Variants in HMX2 observed in about 807,000 individuals in gnomAD.
HMX2 encodes the protein H6 family homeobox 2.
HMX2 carries 15 observed loss-of-function variants against 21.2 expected under a neutral mutation model. The observed-to-expected ratio is 0.71, with a 90% CI of 0.47 to 1.09. HMX2 has a LOEUF of 1.09. Among genes scored for constraint, HMX2 ranks in the 50% least tolerant of loss-of-function variants. The probability of loss-of-function intolerance (pLI) is 0.00; values close to 1 mark genes in which losing one functional copy is unlikely to be tolerated. For synonymous variants in HMX2, 193 were observed against 181.0 expected (o/e 1.07, Z -0.53); for missense variants, 440 against 381.5 (o/e 1.15, Z -1.28).
rs1297472953 is a variant in HMX2 at position 123,150,147 on chromosome 10, C to G, written c.*24C>G. ...GACCGGCCCGCCGCCCCGCGCCGCC[C>G]CCAGCTGCCCGCAGAGCCGGGCGCG... On this transcript the variant is annotated 3_prime_UTR_variant, in exon 2 of 2. Coordinates refer to ENST00000339992, the MANE Select transcript of HMX2 (RefSeq NM_005519.2). The surrounding 1 kb of genome is among the most constrained non-coding windows in gnomAD (Gnocchi z 4.2). 2 of 1,502,050 alleles carry G rather than the reference C, an allele frequency of 1.3e-6. No individual in the cohort carries two copies. The highest frequency in any genetic ancestry group is 2.5e-5 in the East Asian group (1 of 40,666). 93.0% of individuals were successfully genotyped at this position (1,502,050 alleles called of 1,614,324 possible). A position where few individuals can be genotyped will look rare whatever the true frequency, so the allele number is the denominator to read the frequency against.
At position 123,148,476 on chromosome 10, in the gene HMX2, C is replaced by T. The variant is rs372420861; in HGVS notation, c.98C>T (p.Ala33Val). 1.5e-5 allele frequency: 24 copies of T among 1,612,630 alleles called. No homozygotes were observed. Among genetic ancestry groups the T allele is most frequent in the Non-Finnish European group, 2.0e-5 (24 of 1,179,340 alleles). The change falls in exon 1 of 2, where the codon GCA (alanine) becomes GTA (valine). Residue 33 changes from alanine to valine, a missense_variant. Ala to Val is a moderately conservative substitution (Grantham distance 64). Coordinates refer to ENST00000339992, the MANE Select transcript of HMX2 (RefSeq NM_005519.2). ...QSILGGGPSE[A>V]PREPVGWPAR... ...ATCCTGGGCGGGGGCCCCTCGGAGG[C>T]ACCGCGGGAGCCCGTCGGCTGGCCA...
intron 1 of HMX2, 24 bp downstream of exon 1, chr10:123,148,670 T>A: frequency 6.3e-7 from 1 of 1,590,302 alleles, no homozygotes; most frequent in Non-Finnish European, 8.5e-7. Context: ...GTCGCCAGTG[T>A]GGCAGCGAGC....
In HMX2 at chr10:123,148,340, G is replaced by C. The variant is rs367942691; in HGVS notation, c.-39G>C. ...CCAGATCACCCAGATCGTCTCTAAA[G>C]GGAGTTCTTGGTTTCCTTCGATTTC... On this transcript the variant is annotated 5_prime_UTR_variant, in exon 1 of 2. Coordinates refer to ENST00000339992, the MANE Select transcript of HMX2 (RefSeq NM_005519.2). The C allele has an allele frequency of 1.4e-3, 2,244 of 1,600,928 alleles. 45 individuals carry two copies. The South Asian group carries it at 0.023, about 17-fold the overall frequency.
At position 123,150,068 on chromosome 10, in the gene HMX2, G is replaced by C; in HGVS notation, c.767G>C (p.Gly256Ala). The change falls in exon 2 of 2, where the codon GGA becomes GCA. Residue 256 changes from glycine (G) to alanine (A), a missense_variant. Physicochemically the swap from Gly to Ala is moderately conservative, Grantham distance 60. Transcript: ENST00000339992. This position sits in a 1 kb window ranked among gnomAD's most constrained non-coding sequence, Gnocchi z 4.2. ...TTTCCCGCGCCGCTCTACTACCCGG[G>C]AAGCAACCTCTCGGCCTTACCTCTC... ...LAFPAPLYYP[G>A]SNLSALPLYN... is the part of the protein sequence containing the mutation. 6.3e-7 allele frequency: 1 copy of C among 1,599,482 alleles called. No homozygotes were observed. Among genetic ancestry groups the C allele is most frequent in the Non-Finnish European group, 8.5e-7 (1 of 1,177,054 alleles).
In HMX2 at chr10:123,150,172, G is replaced by A. The variant is rs372991131; in HGVS notation, c.*49G>A. The A allele has an allele frequency of 5.6e-6, 8 of 1,432,664 alleles. No homozygotes were observed. Among genetic ancestry groups the A allele is most frequent in the Middle Eastern group, 1.8e-4 (1 of 5,586 alleles). 88.7% of individuals were successfully genotyped at this position (1,432,664 alleles called of 1,614,324 possible). On this transcript the variant is annotated 3_prime_UTR_variant, in exon 2 of 2. Transcript: ENST00000339992. The surrounding 1 kb of genome is among the most constrained non-coding windows in gnomAD (Gnocchi z 4.2). ...CCCAGCTGCCCGCAGAGCCGGGCGC[G>A]TACTGTACTGTAAGCAGGGCTCCGG...
In HMX2 at chr10:123,148,355, C is replaced by T. The variant is rs781714572; in HGVS notation, c.-24C>T. 4 of 1,600,186 alleles carry T rather than the reference C, an allele frequency of 2.5e-6. No individual in the cohort carries two copies. The highest frequency in any genetic ancestry group is 2.3e-5 in the East Asian group (1 of 44,140). Reference sequence around the variant, plus strand: ...CGTCTCTAAAGGGAGTTCTTGGTTTCCTTCGATTTCTTATGAACCCAGGAT... The same window carrying T: ...CGTCTCTAAAGGGAGTTCTTGGTTTTCTTCGATTTCTTATGAACCCAGGAT... On this transcript the variant is annotated 5_prime_UTR_variant, in exon 1 of 2. Transcript: ENST00000339992.
chr10:123,148,330 C>CG lies in HMX2; in HGVS notation c.-48dup, dbSNP rs1564777504. On this transcript the variant is annotated 5_prime_UTR_variant, in exon 1 of 2. Transcript: ENST00000339992. ...CACCTTCCACCCAGATCACCCAGAT[C>CG]GTCTCTAAAGGGAGTTCTTGGTTTC... 6.3e-7 allele frequency: 1 copy of CG among 1,584,974 alleles called. No homozygotes were observed. The highest frequency in any genetic ancestry group is 8.6e-7 in the Non-Finnish European group (1 of 1,162,576).
intron 1 of HMX2, 49 bp downstream of exon 1, chr10:123,148,695 G>C (rs772713553): frequency 1.3e-6 from 2 of 1,577,994 alleles, no homozygotes; most frequent in Admixed American, 3.9e-5. Flanking sequence ...GCGAGGGGAG[G>C]GAGGCTGAGC....
At position 123,149,488 on chromosome 10, in the gene HMX2, C is replaced by A; in HGVS notation, c.269-82C>A. On this transcript the variant is annotated intron_variant, in intron 1 of 1. Coordinates refer to ENST00000339992, the MANE Select transcript of HMX2 (RefSeq NM_005519.2). This position sits in a 1 kb window ranked among gnomAD's most constrained non-coding sequence, Gnocchi z 5.4. ...GACCAAGGCTGCAGGCGCTTGCCAA[C>A]CGCTTGGTCCCAGGGAGAGCTGGCG... is the stretch of plus-strand genomic sequence containing the variant. 1.6e-6 allele frequency: 2 copies of A among 1,240,322 alleles called. No individual in the cohort carries two copies. The highest frequency in any genetic ancestry group is 2.1e-6 in the Non-Finnish European group (2 of 939,466). 76.8% of individuals were successfully genotyped at this position (1,240,322 alleles called of 1,614,324 possible).
Position 123,148,595 on chromosome 10 carries a change from C to T in HMX2, c.217C>T (p.Pro73Ser), listed in dbSNP as rs1373154507. ...PACFCPDQHG[P>S]KEQGPKHHPP... ...CTGCTTCTGCCCAGACCAGCACGGC[C>T]CTAAGGAGCAGGGCCCCAAGCACCA... Residue 73 changes from proline (P) to serine (S), a missense_variant, in exon 1 of 2, where the codon CCT (proline) becomes TCT (serine). Transcript: ENST00000339992. 1.2e-6 allele frequency: 2 copies of T among 1,613,246 alleles called. No individual in the cohort carries two copies. Among genetic ancestry groups the T allele is most frequent in the Non-Finnish European group, 1.7e-6 (2 of 1,179,696 alleles).
At chr10:123,148,992 C>A (rs972422496) in intron 1 of HMX2, among the ~76,000 whole-genome samples, 1 of 151,984 alleles carries the variant, frequency 6.6e-6, no homozygotes, top group East Asian at 1.9e-4. Flanking sequence ...ATCTGCAAGT[C>A]GGGTCTGGGC....
rs1844255245 is a variant in HMX2, at chr10:123,150,102, A to G, written c.801A>G (p.Leu267=). The G allele has an allele frequency of 1.3e-6, 2 of 1,573,254 alleles. No homozygotes were observed. The highest frequency in any genetic ancestry group is 1.3e-5 in the African/African-American group (1 of 74,320). ...TCTCGGCCTTACCTCTCTACAACCT[A>G]TACAACAAGCTCGACTACTGACCGG... ...SNLSALPLYN[L]YNKLDY The change falls in exon 2 of 2, where the codon CTA becomes CTG. Residue 267 remains leucine, a synonymous_variant. Transcript: ENST00000339992. This position sits in a 1 kb window ranked among gnomAD's most constrained non-coding sequence, Gnocchi z 4.2.
Position 123,149,434 on chromosome 10 carries a change from G to A in HMX2, c.269-136G>A, listed in dbSNP as rs951555065. ...TGCTGGGTTTGGGGGGCCAGTGAGA[G>A]GGATAAGAGGAGGGGATTGGTAAGG... is the stretch of plus-strand genomic sequence containing the variant. On this transcript the variant is annotated intron_variant, in intron 1 of 1. Coordinates refer to ENST00000339992, the MANE Select transcript of HMX2 (RefSeq NM_005519.2). The surrounding 1 kb of genome is among the most constrained non-coding windows in gnomAD (Gnocchi z 5.4). The A allele has an allele frequency of 1.1e-5, 7 of 617,022 alleles. No individual in the cohort carries two copies. In the African/African-American group the frequency reaches 1.1e-4, roughly 10 times the overall value. The allele number at this position is 617,022 out of a possible 1,614,324, so 38.2% of individuals were successfully genotyped here. A position where few individuals can be genotyped will look rare whatever the true frequency, so the allele number is the denominator to read the frequency against.
rs1245986100 is a variant in HMX2 at position 123,148,188 on chromosome 10, C to T, written c.-191C>T. 11 of 613,972 alleles carry T rather than the reference C, an allele frequency of 1.8e-5. 1 individual carries two copies. Among genetic ancestry groups the T allele is most frequent in the Non-Finnish European group, 3.1e-5 (11 of 359,480 alleles). The allele number at this position is 613,972 out of a possible 1,614,324, so 38.0% of individuals were successfully genotyped here. ...ACCCAGAGCCAGGCGGGCAGGAACC[C>T]CTGCGCAGCCATCCGGTGCCTGCAT... On this transcript the variant is annotated 5_prime_UTR_variant, in exon 1 of 2. Coordinates refer to ENST00000339992, the MANE Select transcript of HMX2 (RefSeq NM_005519.2).
chr10:123,149,687 C>T lies in HMX2; in HGVS notation c.386C>T (p.Pro129Leu). Residue 129 changes from proline (P) to leucine (L), a missense_variant, in exon 2 of 2, where the codon CCC becomes CTC. Coordinates refer to ENST00000339992, the MANE Select transcript of HMX2 (RefSeq NM_005519.2). This position sits in a 1 kb window ranked among gnomAD's most constrained non-coding sequence, Gnocchi z 5.4. ...GAGAGGCTCCTGCCCGCGGGCTCGC[C>T]CTCGCCGGGGTCCGAGCGGCCGCGG... Reference protein sequence around the residue: ...EKERLLPAGSPSPGSERPRDG... With the variant: ...EKERLLPAGSLSPGSERPRDG... 1 of 1,567,802 alleles carries T rather than the reference C, an allele frequency of 6.4e-7. No homozygotes were observed. The highest frequency in any genetic ancestry group is 8.6e-7 in the Non-Finnish European group (1 of 1,162,110).
chr10:123,148,260 C>T lies in HMX2; in HGVS notation c.-119C>T. ...CCTCACCAGCCTCGGCGCCCCCTCC[C>T]CCTAGATTTCCTCCCCGCCCCTCCC... On this transcript the variant is annotated 5_prime_UTR_variant, in exon 1 of 2. Transcript: ENST00000339992. 1.0e-6 allele frequency: 1 copy of T among 998,202 alleles called. No homozygotes were observed. Among genetic ancestry groups the T allele is most frequent in the Non-Finnish European group, 1.5e-6 (1 of 662,824 alleles). The allele number at this position is 998,202 out of a possible 1,614,324, so 61.8% of individuals were successfully genotyped here. A position where few individuals can be genotyped will look rare whatever the true frequency, so the allele number is the denominator to read the frequency against.
At chr10:123,148,769 AC>A (rs918501238) in intron 1 of HMX2, 123 bp downstream of exon 1, 29 of 1,277,384 alleles carry the variant, frequency 2.3e-5, no homozygotes, top group Non-Finnish European at 2.8e-5. Flanking sequence ...GGGGTTCGGG[AC>A]CGCGGGGAGA....
rs562285634 is a variant in HMX2 at position 123,148,156 on chromosome 10, C to A, written c.-223C>A. 7.2e-6 allele frequency: 4 copies of A among 556,230 alleles called. No individual in the cohort carries two copies. Among genetic ancestry groups the A allele is most frequent in the African/African-American group, 2.0e-5 (1 of 49,678 alleles). 34.5% of individuals were successfully genotyped at this position (556,230 alleles called of 1,614,324 possible). On this transcript the variant is annotated 5_prime_UTR_variant, in exon 1 of 2. Transcript: ENST00000339992. ...AAGGGGCATTTGCACCGGGGCTGGGCGGGCGCACCCAGAGCCAGGCGGGCA... is the reference window on the plus strand; with the variant it reads ...AAGGGGCATTTGCACCGGGGCTGGGAGGGCGCACCCAGAGCCAGGCGGGCA...
chr10:123,149,657 A>G lies in HMX2; in HGVS notation c.356A>G (p.Glu119Gly). 6.4e-7 allele frequency: 1 copy of G among 1,556,624 alleles called. No individual in the cohort carries two copies. The highest frequency in any genetic ancestry group is 8.6e-7 in the Non-Finnish European group (1 of 1,157,878). ...CCTTCGCACTCGGACTTTAAAGAAG[A>G]GAAAGAGAGGCTCCTGCCCGCGGGC... ...LSPSHSDFKE[E>G]KERLLPAGSP... Residue 119 changes from glutamate (E) to glycine (G), a missense_variant, in exon 2 of 2, where the codon GAG (glutamate) becomes GGG (glycine). Glu to Gly is a moderately conservative substitution (Grantham distance 98). Coordinates refer to ENST00000339992, the MANE Select transcript of HMX2 (RefSeq NM_005519.2). The surrounding 1 kb of genome is among the most constrained non-coding windows in gnomAD (Gnocchi z 5.4).
Sources: allele counts gnomAD v4.1 joint callset (sites outside exome capture counted in the v4.1 genomes callset), GRCh38; gene constraint gnomAD v4.1.1; non-coding constraint Gnocchi (gnomAD v3.1); transcripts MANE v1.5; gene names NCBI Gene and HGNC (gene_info 2026-07-23, HGNC 2026-07-21).